The following DOCK7 variants were observed in gnomAD, a reference collection of about 807,000 sequenced individuals.
DOCK7 encodes the protein dedicator of cytokinesis protein 7.
Under a neutral mutation model 271.0 loss-of-function variants are expected in DOCK7, and 138 were observed. That is an observed-to-expected ratio of 0.51 (90% CI 0.44 to 0.59). The LOEUF is 0.59. Ranked by LOEUF, DOCK7 falls within the 20% of genes least tolerant of loss-of-function variation. The pLI, the probability that DOCK7 is intolerant of heterozygous loss-of-function variation, is 0.00. For missense variants in DOCK7, 2,066 were observed against 2,592.4 expected (o/e 0.80, Z 4.41); for synonymous variants, 823 against 876.1 (o/e 0.94, Z 1.07).
chr1:62,496,551 TCTG>T lies in DOCK7; in HGVS notation c.4765-57_4765-55del, dbSNP rs1370731044. The T allele has an allele frequency of 5.3e-6, 8 of 1,497,388 alleles. No homozygotes were observed. The African/African-American group carries it at 5.7e-5, about 11-fold the overall frequency. 92.8% of individuals were successfully genotyped at this position (1,497,388 alleles called of 1,614,324 possible). On this transcript the variant is annotated intron_variant, in intron 37 of 49. Coordinates refer to ENST00000635253, the MANE Select transcript of DOCK7 (RefSeq NM_001367561.1). The stretch of plus-strand genomic sequence containing the variant: ...CTTAATATAGAAAAGCTTTAAAAAG[TCTG>T]CTATTTTTCCTTGCTAAAAGTATAT...
intron 20 of DOCK7, among the ~76,000 whole-genome samples, chr1:62,558,752 GTAAA>G (rs1478859633): frequency 1.3e-5 from 2 of 151,952 alleles, no homozygotes; most frequent in Non-Finnish European, 2.9e-5. Flanking sequence ...TAAATATTTG[GTAAA>G]TAAATAAATA....
chr1:62,513,808 C>T lies in DOCK7; in HGVS notation c.4027G>A (p.Val1343Ile), dbSNP rs775638708. The part of the protein sequence containing the change: ...LWVLKNADET[V>I]LQKWFTDLSV... ...AGATCTGTAAACCACTTCTGTAGAA[C>T]TGTTTCATCTGCATTTTTGAGAACC... is the stretch of plus-strand genomic sequence containing the variant. The change falls in exon 32 of 50, where the codon GTT becomes ATT. Residue 1343 changes from valine to isoleucine, a missense_variant. Physicochemically the swap from Val to Ile is conservative, Grantham distance 29. Transcript: ENST00000635253. 6.8e-6 allele frequency: 11 copies of T among 1,614,130 alleles called. No homozygotes were observed. The highest frequency in any genetic ancestry group is 5.0e-5 in the Admixed American group (3 of 60,018).
At chr1:62,539,351 C>T (rs959301090) in intron 27 of DOCK7, among the ~76,000 whole-genome samples, 194 bp downstream of exon 27, 2 of 152,140 alleles carry the variant, frequency 1.3e-5, no homozygotes. Flanking sequence ...TAACAGCTTG[C>T]CACAGTCCTT....
intron 14 of DOCK7, chr1:62,604,287 C>T (rs759199992): frequency 1.3e-6 from 2 of 1,594,534 alleles, no homozygotes; most frequent in Non-Finnish European, 1.7e-6. Flanking sequence ...AAGTATCTTC[C>T]CACATTATTA....
intron 41 of DOCK7, among the ~76,000 whole-genome samples, chr1:62,489,276 C>T (rs1646388495): frequency 6.6e-6 from 1 of 152,086 alleles, no homozygotes; most frequent in African/African-American, 2.4e-5. Flanking sequence ...GGTGAAACCC[C>T]GTCTCTACTA....
rs542727495 is a variant in DOCK7, at chr1:62,518,706, C to T, written c.3937-4808G>A. On this transcript the variant is annotated intron_variant, in intron 31 of 49. Transcript: ENST00000635253. ...AGTTAGCCAAGACTGCACCACTGCA[C>T]TCCAGCCTGGGTGACAGAGCAAGAC... 2.9e-3 allele frequency among the ~76,000 whole-genome samples: 446 copies of T among 152,118 alleles called. 5 individuals are homozygous for T. The highest frequency in any genetic ancestry group is 1.0e-2 in the African/African-American group (415 of 41,520).
At chr1:62,510,864 T>C (rs2149333821) in intron 33 of DOCK7, 191 bp from the exon 34 acceptor site, 1 of 495,286 alleles carries the variant, frequency 2.0e-6, no homozygotes, top group East Asian at 3.3e-5. Flanking sequence ...AGAAATGTAC[T>C]TGCTATATGC....
intron 1 of DOCK7, among the ~76,000 whole-genome samples, chr1:62,664,782 T>TAAA: frequency 7.3e-6 from 1 of 137,280 alleles, no homozygotes; most frequent in Non-Finnish European, 1.6e-5. Flanking sequence ...TCTACTAGTT[T>TAAA]AAAAAAAAAA....
At chr1:62,605,174 C>G in intron 14 of DOCK7, 1 of 208,858 alleles carries the variant, frequency 4.8e-6, no homozygotes, top group South Asian at 8.1e-5. Context: ...AATATCACAA[C>G]TTTCCCAGTT....
intron 10 of DOCK7, 105 bp from the exon 11 acceptor site, chr1:62,631,510 G>T: frequency 1.0e-6 from 1 of 997,704 alleles, no homozygotes; most frequent in Non-Finnish European, 1.4e-6. Flanking sequence ...TCAATTCTCA[G>T]CAGAGATGAG....
chr1:62,621,292 G>T (rs1653203589), intron 12 of DOCK7, among the ~76,000 whole-genome samples: 1 of 152,098 alleles, frequency 6.6e-6, no homozygotes, highest in South Asian at 2.1e-4. Context: ...AAGAGACCTT[G>T]AAAAACACAA....
intron 18 of DOCK7, among the ~76,000 whole-genome samples, chr1:62,562,371 C>T (rs1038361240): frequency 6.6e-5 from 10 of 151,048 alleles, no homozygotes; most frequent in South Asian, 2.1e-4. Flanking sequence ...AACTGGGACA[C>T]GCCCAGCTAA....
At chr1:62,598,186 A>G (rs1649577003) in intron 14 of DOCK7, 2 of 944,550 alleles carry the variant, frequency 2.1e-6, no homozygotes, top group African/African-American at 3.5e-5. Context: ...TTTCCAAGAA[A>G]AATAATCTCC....
intron 21 of DOCK7, among the ~76,000 whole-genome samples, chr1:62,553,312 T>TTATACATATATATATA (rs1553168302): frequency 9.7e-5 from 2 of 20,586 alleles, no homozygotes; most frequent in African/African-American, 4.0e-4. Context: ...AAAAAGTATT[T>TTATACATATATATATA]TATATATATA....
chr1:62,686,529 C>T (rs1449334885), intron 1 of DOCK7, among the ~76,000 whole-genome samples: 1 of 152,002 alleles, frequency 6.6e-6, no homozygotes, highest in Non-Finnish European at 1.5e-5. Flanking sequence ...AGAAGTAAGA[C>T]CTAATTATTT....
intron 40 of DOCK7, 66 bp from the exon 41 acceptor site, chr1:62,492,913 G>T: frequency 7.5e-7 from 1 of 1,334,760 alleles, no homozygotes; most frequent in Non-Finnish European, 1.0e-6. Flanking sequence ...TGTATAAGAA[G>T]AAATAACTGA....
chr1:62,632,138 A>T (rs533346400), intron 10 of DOCK7, among the ~76,000 whole-genome samples: 8 of 152,294 alleles, frequency 5.3e-5, no homozygotes, highest in African/African-American at 1.9e-4. Context: ...TGAAGTATAC[A>T]CTAATGACAG....
chr1:62,589,667 A>G (rs1422496825), intron 14 of DOCK7, among the ~76,000 whole-genome samples: 1 of 152,106 alleles, frequency 6.6e-6, no homozygotes, highest in Non-Finnish European at 1.5e-5. Flanking sequence ...TGATATTTCC[A>G]ACTCAAATTC....
chr1:62,459,581 A>ATAG (rs1286811983), intron 48 of DOCK7, among the ~76,000 whole-genome samples: 1 of 152,190 alleles, frequency 6.6e-6, no homozygotes, highest in African/African-American at 2.4e-5. Context: ...ATTGATATTA[A>ATAG]TAGATTAATG....
Sources: allele counts gnomAD v4.1 joint callset (sites outside exome capture counted in the v4.1 genomes callset), GRCh38; gene constraint gnomAD v4.1.1; transcripts MANE v1.5; gene names NCBI Gene and HGNC (gene_info 2026-07-23, HGNC 2026-07-21).